The following THEMIS2 variants were observed in gnomAD, a reference collection of about 807,000 sequenced individuals.
THEMIS2 encodes protein THEMIS2.
Under a neutral mutation model 46.8 loss-of-function variants are expected in THEMIS2, and 29 were observed. That is an observed-to-expected ratio of 0.62 (90% CI 0.46 to 0.84). The LOEUF (loss-of-function observed/expected upper bound fraction) is 0.84. Ranked by LOEUF, THEMIS2 falls within the 40% of genes least tolerant of loss-of-function variation. The pLI is 0.00. For synonymous variants in THEMIS2, 335 were observed against 349.1 expected, an observed-to-expected ratio of 0.96 and a Z score of 0.45; for missense variants, 698 against 834.7, an observed-to-expected ratio of 0.84 and a Z score of 2.02.
chr1:27,884,752 G>A (rs2089740190), intron 4 of THEMIS2: 1 of 155,306 alleles, frequency 6.4e-6, no homozygotes, highest in Non-Finnish European at 1.4e-5. Flanking sequence ...GCGTGGCTCT[G>A]GGTCCAAACC....
chr1:27,880,145 C>G, intron 3 of THEMIS2, 91 bp downstream of exon 3: 1 of 1,386,516 alleles, frequency 7.2e-7, no homozygotes, highest in Non-Finnish European at 9.7e-7. Context: ...ACCCCCACCC[C>G]ATCCCTGAGG....
At chr1:27,881,220 G>GC (rs1459158081) in intron 3 of THEMIS2, among the ~76,000 whole-genome samples, 1 of 151,988 alleles carries the variant, frequency 6.6e-6, no homozygotes, top group Non-Finnish European at 1.5e-5. Context: ...GGAGGCCGAG[G>GC]CAGGTGGATC....
At chr1:27,876,975 C>T (rs1196536297) in intron 2 of THEMIS2, among the ~76,000 whole-genome samples, 4 of 152,206 alleles carry the variant, frequency 2.6e-5, no homozygotes, top group South Asian at 4.1e-4. Flanking sequence ...TGTTCCAAGC[C>T]CTGTCCAGGT....
At position 27,881,978 on chromosome 1, in the gene THEMIS2, G is replaced by C. The variant is rs980029613; in HGVS notation, c.654G>C (p.Arg218Ser). The change falls in exon 4 of 6, where the codon AGG (arginine) becomes AGC (serine). Residue 218 changes from arginine (R) to serine (S), a missense_variant. Coordinates refer to ENST00000373921, the MANE Select transcript of THEMIS2 (RefSeq NM_001105556.3). The stretch of plus-strand genomic sequence containing the variant: ...AGCTGCCCCTCTCCACAGTGCGCAG[G>C]ACCATTGTCAAGATCCCTTCTACCC... The part of the protein sequence containing the change: ...YEIQAIMHMR[R>S]TIVKIPSTLE... 1 of 1,611,706 alleles carries C rather than the reference G, an allele frequency of 6.2e-7. No homozygotes were observed. The highest frequency in any genetic ancestry group is 8.5e-7 in the Non-Finnish European group (1 of 1,178,780).
In THEMIS2 at chr1:27,882,035, C is replaced by T. The variant is rs1325206088; in HGVS notation, c.711C>T (p.Ser237=). ...TCGACGTGGAGGACGTCACCGCCTC[C>T]TCCCGGCACGTCCACTTTATCAAAC... ...LEVDVEDVTA[S]SRHVHFIKPL... Residue 237 remains serine (S), a synonymous_variant, in exon 4 of 6, where the codon TCC becomes TCT. Coordinates refer to ENST00000373921, the MANE Select transcript of THEMIS2 (RefSeq NM_001105556.3). This position sits in a 1 kb window ranked among gnomAD's most constrained non-coding sequence, Gnocchi z 7.6. The T allele has an allele frequency of 6.2e-7, 1 of 1,614,178 alleles. No homozygotes were observed. The highest frequency in any genetic ancestry group is 1.7e-5 in the Admixed American group (1 of 60,022).
intron 2 of THEMIS2, among the ~76,000 whole-genome samples, chr1:27,877,905 T>G (rs1279537014): frequency 1.3e-5 from 2 of 152,024 alleles, no homozygotes; most frequent in African/African-American, 4.8e-5. Flanking sequence ...ATCCCAGCTC[T>G]TTGGGAGGCT....
rs2089711262 is a variant in THEMIS2, at chr1:27,882,953, A to G, written c.1629A>G (p.Pro543=). The G allele has an allele frequency of 6.2e-7, 1 of 1,613,612 alleles. No individual in the cohort carries two copies. ...DTFYYRLRKL[P]ACEIQAPPPR... is the part of the protein sequence containing the mutation. ...TCTATTATCGTCTTCGGAAGTTACC[A>G]GCCTGTGAGATCCAAGCCCCCCCAC... The change falls in exon 4 of 6, where the codon CCA becomes CCG. Residue 543 remains proline, a synonymous_variant. Coordinates refer to ENST00000373921, the MANE Select transcript of THEMIS2 (RefSeq NM_001105556.3). This position sits in a 1 kb window ranked among gnomAD's most constrained non-coding sequence, Gnocchi z 7.6.
chr1:27,875,616 A>G (rs2089561241), intron 1 of THEMIS2, among the ~76,000 whole-genome samples: 1 of 151,806 alleles, frequency 6.6e-6, no homozygotes, highest in Admixed American at 6.6e-5. Context: ...GAGACTGTGC[A>G]CTCGTGTGTG....
At chr1:27,875,628 G>A (rs1459619030) in intron 1 of THEMIS2, among the ~76,000 whole-genome samples, 1 of 152,176 alleles carries the variant, frequency 6.6e-6, no homozygotes, top group Non-Finnish European at 1.5e-5. Context: ...TCGTGTGTGC[G>A]TGAGAGATCT....
In THEMIS2 at chr1:27,883,042, A is replaced by C; in HGVS notation, c.1718A>C (p.Lys573Thr). Residue 573 changes from lysine to threonine, a missense_variant and splice_region_variant, in exon 4 of 6, where the codon AAG (lysine) becomes ACG (threonine). Transcript: ENST00000373921. ...AGACACAGCAGTGAGGGAGGCGTCAAGGTACTAGTATAATCCCAGAGGGCA... is the reference window on the plus strand; with the variant it reads ...AGACACAGCAGTGAGGGAGGCGTCACGGTACTAGTATAATCCCAGAGGGCA... ...QRRHSSEGGVKSSQVLGLQQH... is the reference protein window; with the variant it reads ...QRRHSSEGGVTSSQVLGLQQH... 6.2e-7 allele frequency: 1 copy of C among 1,612,064 alleles called. No homozygotes were observed.
At chr1:27,885,206 A>G in intron 4 of THEMIS2, 89 bp from the exon 5 acceptor site, 1 of 1,374,682 alleles carries the variant, frequency 7.3e-7, no homozygotes, top group East Asian at 2.3e-5. Flanking sequence ...GAAGCAGAGG[A>G]AGTGACACTT....
intron 1 of THEMIS2, among the ~76,000 whole-genome samples, chr1:27,876,127 G>A (rs1166113983): frequency 2.6e-5 from 4 of 151,570 alleles, no homozygotes; most frequent in Admixed American, 1.3e-4. Flanking sequence ...GTGATCTCCA[G>A]GGAGCCACTG....
At position 27,886,027 on chromosome 1, in the gene THEMIS2, A is replaced by G. The variant is rs1266030950; in HGVS notation, c.*105A>G. 5.7e-6 allele frequency: 6 copies of G among 1,053,898 alleles called. No individual in the cohort carries two copies. The highest frequency in any genetic ancestry group is 8.7e-6 in the Non-Finnish European group (6 of 685,756). The allele number at this position is 1,053,898 out of a possible 1,614,324, so 65.3% of individuals were successfully genotyped here. A position where few individuals can be genotyped will look rare whatever the true frequency, so the allele number is the denominator to read the frequency against. On this transcript the variant is annotated 3_prime_UTR_variant, in exon 6 of 6. Transcript: ENST00000373921. ...CCTCGGGCAAGTCTCACAGAAACTG[A>G]GCTGCAGACGGGGAGTAGCTTTGTG...
intron 5 of THEMIS2, 96 bp downstream of exon 5, chr1:27,885,547 C>T (rs2089755964): frequency 6.9e-7 from 1 of 1,445,130 alleles, no homozygotes; most frequent in South Asian, 1.4e-5. Flanking sequence ...CAGGGACAGA[C>T]CCTTCTATGG....
Position 27,882,482 on chromosome 1 carries a change from G to C in THEMIS2, c.1158G>C (p.Gln386His). 1 of 1,613,416 alleles carries C rather than the reference G, an allele frequency of 6.2e-7. No individual in the cohort carries two copies. The highest frequency in any genetic ancestry group is 8.5e-7 in the Non-Finnish European group (1 of 1,179,452). The change falls in exon 4 of 6, where the codon CAG becomes CAC. Residue 386 changes from glutamine (Q) to histidine (H), a missense_variant. By Grantham distance (24) the Gln-to-His change is conservative. Transcript: ENST00000373921. This position sits in a 1 kb window ranked among gnomAD's most constrained non-coding sequence, Gnocchi z 7.6. The stretch of plus-strand genomic sequence containing the variant: ...GGCCTGGCCAGGCCCATGGGGCCCA[G>C]GGCAGTGACGTGGATGTCTTGGTTT... The part of the protein sequence containing the change: ...VLGPGQAHGA[Q>H]GSDVDVLVCQ...
At position 27,885,780 on chromosome 1, in the gene THEMIS2, T is replaced by C. The variant is rs571366652; in HGVS notation, c.1877-87T>C. 74 of 1,355,978 alleles carry C rather than the reference T, an allele frequency of 5.5e-5. No individual in the cohort carries two copies. In the African/African-American group the frequency reaches 8.8e-4, roughly 16 times the overall value. 84.0% of individuals were successfully genotyped at this position (1,355,978 alleles called of 1,614,324 possible). On this transcript the variant is annotated intron_variant, in intron 5 of 5. Coordinates refer to ENST00000373921, the MANE Select transcript of THEMIS2 (RefSeq NM_001105556.3). ...CCGTAGGGCATCCAGGCCACCTCTT[T>C]CCCTGCACAGATGAGGAAACTGCCC...
At position 27,879,642 on chromosome 1, in the gene THEMIS2, A is replaced by C; in HGVS notation, c.236-2A>C. 1 of 1,584,516 alleles carries C rather than the reference A, an allele frequency of 6.3e-7. No homozygotes were observed. On this transcript the variant is annotated splice_acceptor_variant, in intron 2 of 5. Transcript: ENST00000373921. LOFTEE classifies it high-confidence loss of function. Reference sequence around the variant, plus strand: ...CTGCCTGCTCTCTGCTGTCCCCCACAGGCTACTTCACCCCCCTCAACACCC... The same window carrying C: ...CTGCCTGCTCTCTGCTGTCCCCCACCGGCTACTTCACCCCCCTCAACACCC...
At position 27,882,372 on chromosome 1, in the gene THEMIS2, G is replaced by T; in HGVS notation, c.1048G>T (p.Val350Leu). 6.3e-7 allele frequency: 1 copy of T among 1,592,102 alleles called. No homozygotes were observed. Among genetic ancestry groups the T allele is most frequent in the Non-Finnish European group, 8.6e-7 (1 of 1,166,780 alleles). ...CCAGCCAGGCCGGCCACTCCGGGTG[G>T]TGGCCACAAAGGACTGTGAGGGCGA... ...AFQPGRPLRV[V>L]ATKDCEGERE... Residue 350 changes from valine to leucine, a missense_variant, in exon 4 of 6, where the codon GTG (valine) becomes TTG (leucine). Physicochemically the swap from Val to Leu is conservative, Grantham distance 32. Coordinates refer to ENST00000373921, the MANE Select transcript of THEMIS2 (RefSeq NM_001105556.3). The surrounding 1 kb of genome is among the most constrained non-coding windows in gnomAD (Gnocchi z 7.6).
intron 1 of THEMIS2, among the ~76,000 whole-genome samples, chr1:27,875,802 G>A (rs193132080): frequency 7.8e-4 from 118 of 152,068 alleles, no homozygotes; most frequent in African/African-American, 2.7e-3. Context: ...CCGGGTTCAC[G>A]CCATTCTCCT....
Sources: gnomAD v4.1 joint callset for allele counts (sites outside exome capture counted in the v4.1 genomes callset) on GRCh38, gnomAD v4.1.1 for gene constraint, Gnocchi (gnomAD v3.1) non-coding constraint, MANE v1.5 for transcripts, NCBI Gene and HGNC (gene_info 2026-07-23, HGNC 2026-07-21) for gene names.